RIMS2: variants seen among roughly 807,000 people sequenced by gnomAD.
RIMS2 encodes the protein regulating synaptic membrane exocytosis 2, also known as regulating synaptic membrane exocytosis protein 2.
RIMS2 carries 59 observed loss-of-function variants against 174.4 expected under a neutral mutation model. That is an observed-to-expected ratio of 0.34 (90% CI 0.27 to 0.42). The LOEUF (loss-of-function observed/expected upper bound fraction) is 0.42. RIMS2 is among the 10% of genes least tolerant of loss of function. The pLI is 1.00. For synonymous variants in RIMS2, 606 were observed against 572.5 expected (o/e 1.06, Z -0.84); for missense variants, 1,620 against 1,666.3 (o/e 0.97, Z 0.48).
At chr8:104,098,889 G>A (rs988159218) in intron 19 of RIMS2, among the ~76,000 whole-genome samples, 1 of 152,126 alleles carries the variant, frequency 6.6e-6, no homozygotes, top group Non-Finnish European at 1.5e-5. Flanking sequence ...ATTTTAAAGG[G>A]GAAGCAGAGG....
intron 2 of RIMS2, among the ~76,000 whole-genome samples, chr8:103,723,546 C>T (rs2097483769): frequency 6.6e-6 from 1 of 152,140 alleles, no homozygotes; most frequent in South Asian, 2.1e-4. Context: ...GGCCTGTAGT[C>T]TGCATTCATA....
At chr8:104,181,581 A>G (rs1032921406) in intron 19 of RIMS2, among the ~76,000 whole-genome samples, 1 of 151,660 alleles carries the variant, frequency 6.6e-6, no homozygotes, top group African/African-American at 2.4e-5. Flanking sequence ...TTATGTCAAG[A>G]TAACAAAAAT....
intron 3 of RIMS2, chr8:103,880,441 C>G (rs1487577106): frequency 2.8e-6 from 1 of 358,204 alleles, no homozygotes; most frequent in Non-Finnish European, 5.0e-6. Context: ...CTTAACAGGC[C>G]CATCACTAGA....
intron 1 of RIMS2, among the ~76,000 whole-genome samples, chr8:103,553,147 G>C (rs191073379): frequency 0.18 from 27,291 of 151,566 alleles, 2,686 homozygotes; most frequent in African/African-American, 0.25. Context: ...ACATGCACAT[G>C]TGTGTTTATT....
chr8:104,154,154 A>C (rs543832967), intron 19 of RIMS2, among the ~76,000 whole-genome samples: 1 of 152,340 alleles, frequency 6.6e-6, no homozygotes, highest in South Asian at 2.1e-4. Context: ...TATTATCTCC[A>C]TTCGATAGAT....
chr8:104,090,067 T>TTATATATA (rs150424695), intron 19 of RIMS2, among the ~76,000 whole-genome samples: 5 of 149,780 alleles, frequency 3.3e-5, no homozygotes, highest in African/African-American at 1.2e-4. Flanking sequence ...CATATATATA[T>TTATATATA]TATATATATA....
Position 104,149,246 on chromosome 8 carries a change from C to T in RIMS2, c.3335-95670C>T, listed in dbSNP as rs79843932. On this transcript the variant is annotated intron_variant, in intron 19 of 23. Transcript: ENST00000504942. ...GCAAGATGCTGTGAAGATGACTTCTCATATTTTGTGTGAATAATACAGTTC... is the reference window on the plus strand; with the variant it reads ...GCAAGATGCTGTGAAGATGACTTCTTATATTTTGTGTGAATAATACAGTTC... Among the ~76,000 whole-genome samples, 190 of 152,312 alleles carry T rather than the reference C, an allele frequency of 1.2e-3. 1 individual carries two copies. The East Asian group carries it at 0.022, about 18-fold the overall frequency.
intron 2 of RIMS2, among the ~76,000 whole-genome samples, chr8:103,745,419 C>G (rs1256878090): frequency 6.6e-6 from 1 of 151,950 alleles, no homozygotes; most frequent in Non-Finnish European, 1.5e-5. Context: ...GTGAATAATG[C>G]TGCTGTGCAC....
intron 19 of RIMS2, among the ~76,000 whole-genome samples, chr8:104,161,243 G>A (rs1190906145): frequency 1.3e-5 from 2 of 152,086 alleles, no homozygotes; most frequent in African/African-American, 2.4e-5. Context: ...TGTTGCCAGG[G>A]TACCAATTGA....
intron 1 of RIMS2, among the ~76,000 whole-genome samples, chr8:103,520,665 T>A (rs1375671877): frequency 6.6e-6 from 1 of 152,108 alleles, no homozygotes; most frequent in Non-Finnish European, 1.5e-5. Flanking sequence ...GCAAACCATC[T>A]TATTCACATC....
Position 103,910,140 on chromosome 8 carries a change from T to C in RIMS2, c.1631T>C (p.Met544Thr), listed in dbSNP as rs985036344. 6.2e-7 allele frequency: 1 copy of C among 1,607,000 alleles called. No individual in the cohort carries two copies. Among genetic ancestry groups the C allele is most frequent in the African/African-American group, 1.3e-5 (1 of 74,606 alleles). Residue 544 changes from methionine (M) to threonine (T), a missense_variant, in exon 5 of 24, where the codon ATG becomes ACG. Transcript: ENST00000504942. ...TTTTGTCTGACTCTCACAGGAGACA[T>C]GGATTACAACTGGTTGGATCATACG...
chr8:103,927,975 T>G, intron 11 of RIMS2: 1 of 1,042,706 alleles, frequency 9.6e-7, no homozygotes, highest in Admixed American at 2.7e-5. Context: ...TAGGAAAACT[T>G]TTTTTGTTAT....
At chr8:103,707,979 G>A (rs763293538) in intron 2 of RIMS2, among the ~76,000 whole-genome samples, 14 of 152,150 alleles carry the variant, frequency 9.2e-5, no homozygotes, top group African/African-American at 2.9e-4. Flanking sequence ...GTACCCAATT[G>A]TAAGAAAAAG....
chr8:104,043,987 A>G (rs75920389), intron 19 of RIMS2, among the ~76,000 whole-genome samples: 2,000 of 151,692 alleles, frequency 0.013, 28 homozygotes, highest in Middle Eastern at 0.11. Context: ...TGGAAGGAGC[A>G]ATTTATACCA....
At chr8:104,236,814 G>A (rs747972292) in intron 19 of RIMS2, among the ~76,000 whole-genome samples, 2 of 152,028 alleles carry the variant, frequency 1.3e-5, no homozygotes, top group Non-Finnish European at 2.9e-5. Context: ...ATGTAATGTG[G>A]TATCCTGGAT....
intron 4 of RIMS2, among the ~76,000 whole-genome samples, chr8:103,887,529 CT>C (rs2099211476): frequency 6.6e-6 from 1 of 151,302 alleles, no homozygotes. Flanking sequence ...TAACCATTAA[CT>C]TTTTTAACAT....
At chr8:103,548,062 A>C (rs537288705) in intron 1 of RIMS2, among the ~76,000 whole-genome samples, 110 of 152,318 alleles carry the variant, frequency 7.2e-4, no homozygotes, top group African/African-American at 2.5e-3. Context: ...ATGAATCCAC[A>C]GTTGGATTCT....
At chr8:103,767,377 G>A (rs1378832862) in intron 3 of RIMS2, among the ~76,000 whole-genome samples, 3 of 151,870 alleles carry the variant, frequency 2.0e-5, no homozygotes, top group Non-Finnish European at 4.4e-5. Flanking sequence ...TAGTAGAGGC[G>A]GGGTTTCACC....
At chr8:104,218,632 G>A (rs569830262) in intron 19 of RIMS2, among the ~76,000 whole-genome samples, 1 of 152,204 alleles carries the variant, frequency 6.6e-6, no homozygotes, top group African/African-American at 2.4e-5. Context: ...CTATCTCGGG[G>A]TGATGGGAGA....
Sources: gnomAD v4.1 joint callset for allele counts (sites outside exome capture counted in the v4.1 genomes callset) on GRCh38, gnomAD v4.1.1 for gene constraint, MANE v1.5 for transcripts, NCBI Gene and HGNC (gene_info 2026-07-23, HGNC 2026-07-21) for gene names.